The following FMN2 variants were observed in gnomAD, a reference collection of about 807,000 sequenced individuals.
The protein encoded by FMN2 is formin-2.
In FMN2, 51 loss-of-function variants were observed where a neutral mutation model predicts 142.3. That is an observed-to-expected ratio of 0.36 (90% CI 0.29 to 0.45). The LOEUF (loss-of-function observed/expected upper bound fraction) is 0.45, where lower values mean the gene tolerates loss of function less well. Among genes scored for constraint, FMN2 ranks in the 20% least tolerant of loss-of-function variants. The probability of loss-of-function intolerance (pLI) is 1.00; values close to 1 mark genes in which losing one functional copy is unlikely to be tolerated. For synonymous variants in FMN2, 882 were observed against 869.8 expected, an observed-to-expected ratio of 1.01 and a Z score of -0.25; for missense variants, 1,936 against 2,122.8, an observed-to-expected ratio of 0.91 and a Z score of 1.73.
chr1:240,135,790 G>A (rs987533631), intron 2 of FMN2, among the ~76,000 whole-genome samples: 5 of 150,268 alleles, frequency 3.3e-5, no homozygotes, highest in African/African-American at 9.8e-5. Flanking sequence ...AGCGATTCTC[G>A]TGTCTCAGCC....
At chr1:240,383,304 A>T (rs534472375) in intron 14 of FMN2, among the ~76,000 whole-genome samples, 1 of 152,342 alleles carries the variant, frequency 6.6e-6, no homozygotes, top group Non-Finnish European at 1.5e-5. Context: ...AGCAGAAGAG[A>T]TAATTGACAG....
chr1:240,375,272 G>C (rs1214888620), intron 14 of FMN2, among the ~76,000 whole-genome samples: 1 of 152,164 alleles, frequency 6.6e-6, no homozygotes, highest in Non-Finnish European at 1.5e-5. Flanking sequence ...AATTACCAAA[G>C]TGATATGACA....
chr1:240,192,922 T>C (rs1395467375), intron 4 of FMN2, among the ~76,000 whole-genome samples: 1 of 152,132 alleles, frequency 6.6e-6, no homozygotes, highest in Non-Finnish European at 1.5e-5. Context: ...CGTTTTAGCT[T>C]AGAAATAATC....
intron 4 of FMN2, among the ~76,000 whole-genome samples, chr1:240,198,050 G>A (rs1665980617): frequency 6.6e-6 from 1 of 152,180 alleles, no homozygotes; most frequent in African/African-American, 2.4e-5. Flanking sequence ...GAGGCGATTA[G>A]GAGGTAAAAA....
chr1:240,223,932 G>A (rs950010570), intron 6 of FMN2, among the ~76,000 whole-genome samples: 23 of 152,154 alleles, frequency 1.5e-4, no homozygotes, highest in African/African-American at 5.5e-4. Flanking sequence ...AAAAACACCA[G>A]CTCCTGGATT....
intron 7 of FMN2, among the ~76,000 whole-genome samples, chr1:240,293,832 T>G (rs1669873324): frequency 6.6e-6 from 1 of 152,192 alleles, no homozygotes; most frequent in Non-Finnish European, 1.5e-5. Context: ...TTTAGATTTC[T>G]TATCCATCCT....
At position 240,183,564 on chromosome 1, in the gene FMN2, C is replaced by T. The variant is rs150374477; in HGVS notation, c.1931-4643C>T. Among the ~76,000 whole-genome samples, 1,171 of 150,336 alleles carry T rather than the reference C, an allele frequency of 7.8e-3. 17 individuals carry two copies. The highest frequency in any genetic ancestry group is 0.027 in the African/African-American group (1,104 of 41,008). ...ATGTGTATACATACATGTATATATA[C>T]ACACACACATGCCTACATATAGTTT... On this transcript the variant is annotated intron_variant, in intron 3 of 17. Coordinates refer to ENST00000319653, the MANE Select transcript of FMN2 (RefSeq NM_020066.5).
Position 240,410,882 on chromosome 1 carries a change from C to T in FMN2, c.4910+18320C>T, listed in dbSNP as rs138655749. Among the ~76,000 whole-genome samples the T allele has an allele frequency of 3.9e-4, 59 of 152,280 alleles. No homozygotes were observed. In the East Asian group the frequency reaches 0.011, roughly 29 times the overall value. Reference sequence around the variant, plus strand: ...CAAGGCTGATAACAAAAAGCAGCAGCCTCCTGCCCTAGCCAACCCTACCCT... The same window carrying T: ...CAAGGCTGATAACAAAAAGCAGCAGTCTCCTGCCCTAGCCAACCCTACCCT... On this transcript the variant is annotated intron_variant, in intron 15 of 17. Transcript: ENST00000319653.
chr1:240,213,213 A>C (rs758905025), intron 6 of FMN2, among the ~76,000 whole-genome samples: 1 of 152,186 alleles, frequency 6.6e-6, no homozygotes, highest in African/African-American at 2.4e-5. Flanking sequence ...AAGGCATTTC[A>C]TAAATTGTCG....
In FMN2 at chr1:240,206,951, T is replaced by G. The variant is rs759886383; in HGVS notation, c.2139T>G (p.Asn713Lys). ...EVASGHQGLE[N>K]GVTASGDVCL... ...CCAGTGGTCATCAAGGGCTTGAGAA[T>G]GGAGTGACAGCCTCAGGCGATGTCT... The change falls in exon 5 of 18, where the codon AAT (asparagine) becomes AAG (lysine). Residue 713 changes from asparagine (N) to lysine (K), a missense_variant. By Grantham distance (94) the Asn-to-Lys change is moderately conservative. This residue lies in a region of FMN2 where 478 missense variants were observed against 462.8 expected (regional missense o/e 1.03). Coordinates refer to ENST00000319653, the MANE Select transcript of FMN2 (RefSeq NM_020066.5). 1.1e-5 allele frequency: 17 copies of G among 1,614,018 alleles called. No homozygotes were observed. In the South Asian group the frequency reaches 1.9e-4, roughly 18 times the overall value.
chr1:240,244,810 A>C (rs1668025245), intron 6 of FMN2, among the ~76,000 whole-genome samples: 1 of 152,180 alleles, frequency 6.6e-6, no homozygotes, highest in African/African-American at 2.4e-5. Flanking sequence ...AAGGTACCTA[A>C]GTAATTCTGA....
intron 16 of FMN2, among the ~76,000 whole-genome samples, chr1:240,442,344 A>C (rs780318569): frequency 6.6e-6 from 1 of 152,214 alleles, no homozygotes; most frequent in Non-Finnish European, 1.5e-5. Flanking sequence ...CCATCTCTGG[A>C]TCAGCCCTGG....
At chr1:240,316,870 A>T (rs76615518) in intron 8 of FMN2, among the ~76,000 whole-genome samples, 3 of 152,146 alleles carry the variant, frequency 2.0e-5, no homozygotes, top group Non-Finnish European at 4.4e-5. Flanking sequence ...GGAAAATTAC[A>T]TTGGTATGAT....
intron 2 of FMN2, among the ~76,000 whole-genome samples, chr1:240,125,810 T>A (rs1662473413): frequency 6.6e-6 from 1 of 152,188 alleles, no homozygotes; most frequent in Non-Finnish European, 1.5e-5. Flanking sequence ...CTCTTCCCCA[T>A]CATCTTATTT....
intron 3 of FMN2, among the ~76,000 whole-genome samples, chr1:240,185,463 A>G (rs1264865707): frequency 6.6e-6 from 1 of 152,148 alleles, no homozygotes; most frequent in East Asian, 1.9e-4. Context: ...AATGAAAGGG[A>G]TGGGATTGGG....
At chr1:240,242,512 A>G (rs556668910) in intron 6 of FMN2, among the ~76,000 whole-genome samples, 4 of 152,298 alleles carry the variant, frequency 2.6e-5, no homozygotes, top group African/African-American at 9.6e-5. Flanking sequence ...AACCAAGAAG[A>G]TGGTGTCAGG....
Position 240,092,988 on chromosome 1 carries a change from G to T in FMN2, c.879G>T (p.Pro293=). 7.1e-7 allele frequency: 1 copy of T among 1,402,460 alleles called. No homozygotes were observed. Among genetic ancestry groups the T allele is most frequent in the Non-Finnish European group, 9.2e-7 (1 of 1,087,582 alleles). The allele number at this position is 1,402,460 out of a possible 1,614,324, so 86.9% of individuals were successfully genotyped here. ...CCGAGCCCCGGGAGCCCCAGCAACC[G>T]CCGTCCCCCGGCGGCCTCCCGGTCT... ...LAAEPREPQQ[P]PSPGGLPVSE... The change falls in exon 1 of 18, where the codon CCG becomes CCT. Residue 293 remains proline, a synonymous_variant. Coordinates refer to ENST00000319653, the MANE Select transcript of FMN2 (RefSeq NM_020066.5).
At chr1:240,412,664 A>T (rs1405470443) in intron 15 of FMN2, among the ~76,000 whole-genome samples, 2 of 152,190 alleles carry the variant, frequency 1.3e-5, no homozygotes, top group Non-Finnish European at 2.9e-5. Flanking sequence ...GTGTGACAGA[A>T]TTATAGGAAT....
chr1:240,430,982 T>TAAAAA (rs377031896), intron 15 of FMN2, among the ~76,000 whole-genome samples: 3,070 of 141,542 alleles, frequency 0.022, 97 homozygotes, highest in African/African-American at 0.074. Flanking sequence ...TCAGTCCCTT[T>TAAAAA]AAAAAAAAAA....
Sources: allele counts gnomAD v4.1 joint callset (sites outside exome capture counted in the v4.1 genomes callset), GRCh38; gene constraint gnomAD v4.1.1; regional missense constraint gnomAD v4.1.1; transcripts MANE v1.5; gene names NCBI Gene and HGNC (gene_info 2026-07-23, HGNC 2026-07-21).